Variants in CFAP58 observed in about 807,000 individuals in gnomAD.
CFAP58 encodes cilia- and flagella-associated protein 58.
Under a neutral mutation model 119.5 loss-of-function variants are expected in CFAP58, and 88 were observed. That is an observed-to-expected ratio of 0.74 (90% CI 0.62 to 0.88). CFAP58 has a LOEUF of 0.88. Ranked by LOEUF, CFAP58 falls within the 40% of genes least tolerant of loss-of-function variation. The pLI is 0.00. For synonymous variants in CFAP58, 365 were observed against 366.3 expected, an observed-to-expected ratio of 1.00 and a Z score of 0.04; for missense variants, 990 against 1,021.2, an observed-to-expected ratio of 0.97 and a Z score of 0.42.
At chr10:104,367,922 C>T (rs544809305) in intron 5 of CFAP58, among the ~76,000 whole-genome samples, 4 of 152,276 alleles carry the variant, frequency 2.6e-5, no homozygotes, top group South Asian at 2.1e-4. Context: ...TCCACGGTTT[C>T]GACTTAAGTT....
chr10:104,362,054 C>T lies in CFAP58; in HGVS notation c.323C>T (p.Ser108Leu). Residue 108 changes from serine (S) to leucine (L), a missense_variant, in exon 3 of 18, where the codon TCA (serine) becomes TTA (leucine). By Grantham distance (145) the Ser-to-Leu change is moderately radical. Coordinates refer to ENST00000369704, the MANE Select transcript of CFAP58 (RefSeq NM_001008723.2). ...EIEKAWKMVD[S>L]AYDKEQKAKE... ...GAAAAGGCCTGGAAGATGGTGGACT[C>T]AGCCTATGACAAAGAGCAGAAGGCC... 1 of 1,614,078 alleles carries T rather than the reference C, an allele frequency of 6.2e-7. No individual in the cohort carries two copies. The highest frequency in any genetic ancestry group is 8.5e-7 in the Non-Finnish European group (1 of 1,179,988).
chr10:104,409,767 A>G (rs1335985785), intron 15 of CFAP58, among the ~76,000 whole-genome samples: 4 of 152,266 alleles, frequency 2.6e-5, no homozygotes, highest in African/African-American at 7.2e-5. Flanking sequence ...TAGCTCAATC[A>G]GCTGGATTTT....
intron 15 of CFAP58, among the ~76,000 whole-genome samples, chr10:104,419,964 G>A (rs901296362): frequency 2.0e-5 from 3 of 152,108 alleles, no homozygotes; most frequent in African/African-American, 7.2e-5. Flanking sequence ...GGTACTTTCT[G>A]TCTTAATCTT....
At chr10:104,358,842 G>C (rs1052481195) in intron 2 of CFAP58, among the ~76,000 whole-genome samples, 1 of 152,156 alleles carries the variant, frequency 6.6e-6, no homozygotes, top group African/African-American at 2.4e-5. Flanking sequence ...TACTTGTTTG[G>C]TTTCTGGGAA....
chr10:104,371,823 A>G (rs1025616938), intron 7 of CFAP58, among the ~76,000 whole-genome samples: 2 of 152,228 alleles, frequency 1.3e-5, no homozygotes, highest in South Asian at 2.1e-4. Flanking sequence ...CAGCAGAAAC[A>G]GCTCTGGACT....
chr10:104,347,609 T>A, the CFAP58 span, among the ~76,000 whole-genome samples: 1 of 152,060 alleles, frequency 6.6e-6, no homozygotes, highest in Admixed American at 6.5e-5. Context: ...GTTTTTAGAT[T>A]CCATAGACAC....
chr10:104,389,158 A>T (rs1261658625), intron 9 of CFAP58, among the ~76,000 whole-genome samples: 1 of 152,184 alleles, frequency 6.6e-6, no homozygotes, highest in Non-Finnish European at 1.5e-5. Flanking sequence ...TTTGGCCTGA[A>T]TGATTTCCAT....
chr10:104,353,801 A>T, upstream of CFAP58: 3 of 1,466,732 alleles, frequency 2.0e-6, no homozygotes, highest in East Asian at 4.6e-5. Flanking sequence ...CGGGCGATAG[A>T]GACAGCGCGT....
rs2011753815 is a variant in CFAP58, at chr10:104,380,109, G to A, written c.1254G>A (p.Glu418=). 4.3e-6 allele frequency: 7 copies of A among 1,614,106 alleles called. No individual in the cohort carries two copies. The highest frequency in any genetic ancestry group is 5.9e-6 in the Non-Finnish European group (7 of 1,180,002). The part of the protein sequence containing the change: ...KLHEQAKRNL[E]GEIQNYKDEA... ...ATGAACAAGCCAAGAGGAACCTGGA[G>A]GGAGAAATCCAGAACTACAAGGATG... is the stretch of plus-strand genomic sequence containing the variant. The change falls in exon 9 of 18, where the codon GAG becomes GAA. Residue 418 remains glutamate (E), a synonymous_variant. Coordinates refer to ENST00000369704, the MANE Select transcript of CFAP58 (RefSeq NM_001008723.2).
chr10:104,365,688 G>A lies in CFAP58; in HGVS notation c.598-126G>A, dbSNP rs1033372128. 5.5e-6 allele frequency: 4 copies of A among 727,460 alleles called. No homozygotes were observed. The Admixed American group carries it at 1.1e-4, about 19-fold the overall frequency. The allele number at this position is 727,460 out of a possible 1,614,324, so 45.1% of individuals were successfully genotyped here. ...GGGCTCAAGGATGTCTGCCCTATAG[G>A]GGAAATGCTACTGCAAAGTGCTGCC... On this transcript the variant is annotated intron_variant, in intron 4 of 17. Transcript: ENST00000369704.
chr10:104,357,862 TATATACAC>T (rs1564875645), intron 1 of CFAP58, among the ~76,000 whole-genome samples: 4 of 124,086 alleles, frequency 3.2e-5, no homozygotes, highest in African/African-American at 1.0e-4. Context: ...TATATACACA[TATATACAC>T]ATATATGTAC....
chr10:104,406,562 A>G, intron 14 of CFAP58, 127 bp from the exon 15 acceptor site: 1 of 670,826 alleles, frequency 1.5e-6, no homozygotes, highest in Admixed American at 2.6e-5. Context: ...TTTTGGTTCT[A>G]ATTCTCTCTG....
the CFAP58 span, among the ~76,000 whole-genome samples, chr10:104,344,139 T>A: frequency 6.6e-6 from 1 of 152,276 alleles, no homozygotes; most frequent in Non-Finnish European, 1.5e-5. Flanking sequence ...CATATGCCAC[T>A]TGGCTTGGGA....
At chr10:104,338,982 C>T in the CFAP58 span, among the ~76,000 whole-genome samples, 2 of 150,690 alleles carry the variant, frequency 1.3e-5, no homozygotes, top group African/African-American at 2.5e-5. Context: ...TATCTCGGCT[C>T]ACCGCAACCT....
Position 104,353,855 on chromosome 10 carries a change from A to T in CFAP58, c.-43A>T. ...CCCAGACTCCGGCCCAGCTCCTGCG[A>T]TCTCCACAGCAGCCTCTGAGGCCGC... On this transcript the variant is annotated 5_prime_UTR_variant, in exon 1 of 18. Coordinates refer to ENST00000369704, the MANE Select transcript of CFAP58 (RefSeq NM_001008723.2). 1 of 1,602,230 alleles carries T rather than the reference A, an allele frequency of 6.2e-7. No individual in the cohort carries two copies. Among genetic ancestry groups the T allele is most frequent in the South Asian group, 1.1e-5 (1 of 90,596 alleles).
the CFAP58 span, among the ~76,000 whole-genome samples, chr10:104,338,779 G>T: frequency 6.6e-6 from 1 of 152,232 alleles, no homozygotes; most frequent in Non-Finnish European, 1.5e-5. Flanking sequence ...AGTTTTCTGC[G>T]GCGCGTTTTA....
chr10:104,353,769 G>C (rs1471615528), upstream of CFAP58: 3 of 1,141,138 alleles, frequency 2.6e-6, no homozygotes, highest in Admixed American at 2.3e-5. Flanking sequence ...CCGACGCGCC[G>C]AGCGCGGGTT....
chr10:104,440,155 C>G (rs1450220929), intron 15 of CFAP58, among the ~76,000 whole-genome samples: 1 of 147,970 alleles, frequency 6.8e-6, no homozygotes, highest in Non-Finnish European at 1.5e-5. Flanking sequence ...TCCTCTTCTT[C>G]CCCTTTAAAC....
rs2014502557 is a variant in CFAP58, at chr10:104,353,839, C to T, written c.-59C>T. ...CGCCTTTAGCTTCTTTCCCAGACTC[C>T]GGCCCAGCTCCTGCGATCTCCACAG... On this transcript the variant is annotated 5_prime_UTR_variant, in exon 1 of 18. Transcript: ENST00000369704. The T allele has an allele frequency of 6.3e-7, 1 of 1,586,084 alleles. No individual in the cohort carries two copies.
Sources: gnomAD v4.1 joint callset for allele counts (sites outside exome capture counted in the v4.1 genomes callset) on GRCh38, gnomAD v4.1.1 for gene constraint, MANE v1.5 for transcripts, NCBI Gene and HGNC (gene_info 2026-07-23, HGNC 2026-07-21) for gene names.